ORC4: variants seen among roughly 807,000 people sequenced by gnomAD.
ORC4 encodes origin recognition complex subunit 4, also known as origin recognition complex, subunit 4 homolog.
A neutral mutation model predicts 63.9 loss-of-function variants in ORC4; 55 were observed. That is an observed-to-expected ratio of 0.86 (90% CI 0.69 to 1.08). ORC4 has a LOEUF of 1.08. ORC4 is among the 50% of genes least tolerant of loss of function. The probability of loss-of-function intolerance (pLI) is 0.00; values close to 1 mark genes in which losing one functional copy is unlikely to be tolerated. For synonymous variants in ORC4, 150 were observed against 168.5 expected (o/e 0.89, Z 0.85); for missense variants, 511 against 504.4 (o/e 1.01, Z -0.13).
At position 147,943,530 on chromosome 2, in the gene ORC4, G is replaced by GAAAA; in HGVS notation, c.763-12_763-9dup. On this transcript the variant is annotated splice_polypyrimidine_tract_variant and intron_variant, in intron 9 of 13. Coordinates refer to ENST00000392857, the MANE Select transcript of ORC4 (RefSeq NM_181741.4). Reference sequence around the variant, plus strand: ...TCTATCTTCTGAGAGATACTAAAAGGAAAAAAAAAAAAAAAGCCAAAATTG... The same window carrying GAAAA: ...TCTATCTTCTGAGAGATACTAAAAGGAAAAAAAAAAAAAAAAAAAGCCAAAATTG... The GAAAA allele has an allele frequency of 8.6e-7, 1 of 1,168,464 alleles. No homozygotes were observed. Among genetic ancestry groups the GAAAA allele is most frequent in the Non-Finnish European group, 1.2e-6 (1 of 809,366 alleles). 72.4% of individuals were successfully genotyped at this position (1,168,464 alleles called of 1,614,324 possible).
chr2:147,930,855 T>A lies in ORC4; in HGVS notation c.*4655A>T, dbSNP rs1179250631. The A allele has an allele frequency of 8.2e-6, 1 of 122,136 alleles. No individual in the cohort carries two copies. Among genetic ancestry groups the A allele is most frequent in the Non-Finnish European group, 1.7e-5 (1 of 60,282 alleles). 7.6% of individuals were successfully genotyped at this position (122,136 alleles called of 1,614,324 possible). On this transcript the variant is annotated 3_prime_UTR_variant, in exon 14 of 14. Coordinates refer to ENST00000392857, the MANE Select transcript of ORC4 (RefSeq NM_181741.4). ...TGCATATGCAGTTTTTCTTTAGCTA[T>A]GTTTTTTTTTTTTTTTATACTTTAA... is the stretch of plus-strand genomic sequence containing the variant.
At chr2:147,985,198 T>G (rs1691127939) in intron 1 of ORC4, among the ~76,000 whole-genome samples, 1 of 152,094 alleles carries the variant, frequency 6.6e-6, no homozygotes, top group South Asian at 2.1e-4. Flanking sequence ...CTGTTTTTTT[T>G]GTTTTTTTGT....
intron 1 of ORC4, among the ~76,000 whole-genome samples, chr2:148,014,883 C>T (rs1205088213): frequency 1.3e-5 from 2 of 151,958 alleles, no homozygotes; most frequent in African/African-American, 2.4e-5. Flanking sequence ...GGTATCTGCA[C>T]GGGGTTCTGA....
In ORC4 at chr2:147,930,818, T is replaced by C. The variant is rs548962924; in HGVS notation, c.*4692A>G. ...TCCCCAAGTTAAATAAAAAAATGAA[T>C]ACGGTATGATTTGCATATGCAGTTT... is the stretch of plus-strand genomic sequence containing the variant. On this transcript the variant is annotated 3_prime_UTR_variant, in exon 14 of 14. Transcript: ENST00000392857. 1 of 152,236 alleles carries C rather than the reference T, an allele frequency of 6.6e-6. No individual in the cohort carries two copies. The highest frequency in any genetic ancestry group is 1.5e-5 in the Non-Finnish European group (1 of 67,922). The allele number at this position is 152,236 out of a possible 1,614,324, so 9.4% of individuals were successfully genotyped here.
chr2:147,947,240 C>T (rs1688709857), intron 9 of ORC4, among the ~76,000 whole-genome samples: 1 of 151,950 alleles, frequency 6.6e-6, no homozygotes, highest in South Asian at 2.1e-4. Flanking sequence ...TTTCCCAATT[C>T]CTTCAGAGCC....
intron 4 of ORC4, among the ~76,000 whole-genome samples, chr2:147,959,873 A>G (rs1300351221): frequency 2.0e-5 from 3 of 152,174 alleles, no homozygotes; most frequent in Non-Finnish European, 2.9e-5. Flanking sequence ...ATGAGAAGTA[A>G]CATTAAAGGA....
chr2:147,979,853 A>G (rs1337183079), intron 1 of ORC4, among the ~76,000 whole-genome samples: 1 of 152,168 alleles, frequency 6.6e-6, no homozygotes, highest in Non-Finnish European at 1.5e-5. Context: ...AAATGGTGTT[A>G]GGAAAACTGG....
At chr2:148,016,845 T>G (rs1573909283) in intron 1 of ORC4, among the ~76,000 whole-genome samples, 1 of 152,188 alleles carries the variant, frequency 6.6e-6, no homozygotes, top group Non-Finnish European at 1.5e-5. Context: ...CCTAATGCAT[T>G]GACAGCTGAT....
intron 8 of ORC4, 144 bp from the exon 9 acceptor site, chr2:147,948,368 A>G: frequency 3.4e-6 from 2 of 588,670 alleles, no homozygotes; most frequent in Non-Finnish European, 5.9e-6. Context: ...CATTTAAAAC[A>G]TTTTATGCAA....
chr2:147,983,132 T>C (rs1461102291), intron 1 of ORC4, among the ~76,000 whole-genome samples: 1 of 152,228 alleles, frequency 6.6e-6, no homozygotes. Flanking sequence ...TATAATGGCA[T>C]GGCTACTCTG....
intron 1 of ORC4, among the ~76,000 whole-genome samples, chr2:147,986,906 T>C (rs1691236289): frequency 6.6e-6 from 1 of 151,318 alleles, no homozygotes; most frequent in Non-Finnish European, 1.5e-5. Context: ...CGTTACACAG[T>C]GAAAATAATC....
chr2:147,972,332 G>A (rs952084366), intron 4 of ORC4, among the ~76,000 whole-genome samples: 3 of 151,930 alleles, frequency 2.0e-5, no homozygotes, highest in Non-Finnish European at 2.9e-5. Flanking sequence ...TATAACAAAG[G>A]GAAAAACCCT....
intron 1 of ORC4, among the ~76,000 whole-genome samples, chr2:148,019,598 AAAC>A (rs971744671): frequency 2.0e-5 from 3 of 152,240 alleles, no homozygotes; most frequent in Admixed American, 1.3e-4. Context: ...TCAAAACAAA[AAAC>A]AAACAAAAAG....
intron 1 of ORC4, among the ~76,000 whole-genome samples, chr2:148,015,126 GAAGAA>G (rs1428738647): frequency 6.7e-6 from 1 of 148,492 alleles, no homozygotes. Flanking sequence ...AAAAAAAAAA[GAAGAA>G]AAGAATTCCA....
chr2:147,972,887 T>C, intron 3 of ORC4, 58 bp from the exon 4 acceptor site: 2 of 1,182,748 alleles, frequency 1.7e-6, no homozygotes, highest in Admixed American at 1.8e-5. Context: ...CTTTGTTATG[T>C]TGTAGTTTTT....
At chr2:147,957,469 T>C (rs11888152) in intron 6 of ORC4, among the ~76,000 whole-genome samples, 49,286 of 151,500 alleles carry the variant, frequency 0.33, 8,266 homozygotes, top group East Asian at 0.51. Flanking sequence ...AGTATGAGGC[T>C]AGGTAATTTC....
At position 147,975,990 on chromosome 2, in the gene ORC4, G is replaced by C; in HGVS notation, c.-17-15C>G. ...AAATTCAAATCCTTTAAAAAAATTGGCATAAATATTATAAACGTAGTGACT... is the reference window on the plus strand; with the variant it reads ...AAATTCAAATCCTTTAAAAAAATTGCCATAAATATTATAAACGTAGTGACT... On this transcript the variant is annotated splice_polypyrimidine_tract_variant and intron_variant, in intron 1 of 13. Coordinates refer to ENST00000392857, the MANE Select transcript of ORC4 (RefSeq NM_181741.4). 7.9e-7 allele frequency: 1 copy of C among 1,259,944 alleles called. No homozygotes were observed. Among genetic ancestry groups the C allele is most frequent in the Non-Finnish European group, 1.2e-6 (1 of 857,960 alleles). 78.0% of individuals were successfully genotyped at this position (1,259,944 alleles called of 1,614,324 possible).
chr2:147,995,985 G>A (rs1691943334), intron 1 of ORC4, among the ~76,000 whole-genome samples: 1 of 149,820 alleles, frequency 6.7e-6, no homozygotes, highest in Non-Finnish European at 1.5e-5. Flanking sequence ...GGGCGACAGA[G>A]CAAGACTCCA....
chr2:147,969,592 T>A (rs1690089433), intron 4 of ORC4, among the ~76,000 whole-genome samples: 1 of 151,012 alleles, frequency 6.6e-6, no homozygotes, highest in Non-Finnish European at 1.5e-5. Flanking sequence ...GTAAAGAAAA[T>A]CACATTGGCC....
Sources: allele counts gnomAD v4.1 joint callset (sites outside exome capture counted in the v4.1 genomes callset), GRCh38; gene constraint gnomAD v4.1.1; transcripts MANE v1.5; gene names NCBI Gene and HGNC (gene_info 2026-07-23, HGNC 2026-07-21).